SORCS1: variants seen among roughly 807,000 people sequenced by gnomAD.
The protein encoded by SORCS1 is VPS10 domain-containing receptor SorCS1.
A neutral mutation model predicts 146.1 loss-of-function variants in SORCS1; 60 were observed. The ratio of observed to expected loss-of-function variants is 0.41; its 90% CI spans 0.33 to 0.51. SORCS1 has a LOEUF of 0.51. Among genes scored for constraint, SORCS1 ranks in the 20% least tolerant of loss-of-function variants. The pLI, the probability that SORCS1 is intolerant of heterozygous loss-of-function variation, is 0.21. For missense variants in SORCS1, 1,352 were observed against 1,487.6 expected (o/e 0.91, Z 1.50); for synonymous variants, 637 against 584.0 (o/e 1.09, Z -1.31).
chr10:106,903,981 A>G (rs998038160), intron 2 of SORCS1, among the ~76,000 whole-genome samples: 4 of 152,226 alleles, frequency 2.6e-5, no homozygotes, highest in African/African-American at 4.8e-5. Flanking sequence ...ATCCTCACTT[A>G]GAATCCAGCA....
chr10:107,065,926 C>T (rs1191638976), intron 1 of SORCS1, among the ~76,000 whole-genome samples: 2 of 152,204 alleles, frequency 1.3e-5, no homozygotes, highest in East Asian at 1.9e-4. Flanking sequence ...CTCCCAAGCT[C>T]AGTGAGTAGC....
chr10:106,968,341 C>G (rs376440861), intron 1 of SORCS1, among the ~76,000 whole-genome samples: 2 of 152,328 alleles, frequency 1.3e-5, no homozygotes, highest in African/African-American at 4.8e-5. Context: ...CTGAGAAAGA[C>G]AGATTTCCAT....
chr10:106,807,337 T>C (rs1397586046), intron 3 of SORCS1, among the ~76,000 whole-genome samples: 1 of 152,194 alleles, frequency 6.6e-6, no homozygotes, highest in Non-Finnish European at 1.5e-5. Flanking sequence ...TTTTTGAAAC[T>C]TGAAACTTCT....
At chr10:107,097,868 C>A (rs577963874) in intron 1 of SORCS1, among the ~76,000 whole-genome samples, 1 of 152,150 alleles carries the variant, frequency 6.6e-6, no homozygotes, top group Non-Finnish European at 1.5e-5. Context: ...CATCTCTTTT[C>A]TGCCAGAATC....
intron 6 of SORCS1, among the ~76,000 whole-genome samples, chr10:106,720,014 A>G (rs779801220): frequency 2.6e-5 from 4 of 152,176 alleles, no homozygotes; most frequent in African/African-American, 4.8e-5. Flanking sequence ...CTTGGCTTAA[A>G]TACCAAATGC....
chr10:106,895,004 A>G (rs1264439267), intron 2 of SORCS1, among the ~76,000 whole-genome samples: 1 of 152,234 alleles, frequency 6.6e-6, no homozygotes, highest in Non-Finnish European at 1.5e-5. Flanking sequence ...GATATAAACC[A>G]GATGTCAACT....
At chr10:106,976,748 G>A (rs1348296899) in intron 1 of SORCS1, among the ~76,000 whole-genome samples, 9 of 152,152 alleles carry the variant, frequency 5.9e-5, no homozygotes, top group Admixed American at 5.9e-4. Flanking sequence ...CTGTGTCTAT[G>A]TGTTCTCTTT....
At chr10:106,739,225 C>T (rs1857180935) in intron 5 of SORCS1, among the ~76,000 whole-genome samples, 1 of 152,158 alleles carries the variant, frequency 6.6e-6, no homozygotes, top group African/African-American at 2.4e-5. Context: ...GTGGCTCATG[C>T]CTGTAATCCT....
intron 4 of SORCS1, among the ~76,000 whole-genome samples, chr10:106,762,453 T>A (rs1350014418): frequency 1.4e-5 from 2 of 139,520 alleles, no homozygotes. Context: ...AGTGCAGTGG[T>A]GTGACCTCGG....
At chr10:106,581,602 A>G (rs1171366849) in intron 24 of SORCS1, among the ~76,000 whole-genome samples, 1 of 152,170 alleles carries the variant, frequency 6.6e-6, no homozygotes, top group Non-Finnish European at 1.5e-5. Flanking sequence ...ATGCAAACAC[A>G]CACACACAGA....
intron 2 of SORCS1, among the ~76,000 whole-genome samples, chr10:106,918,103 C>T (rs1952531594): frequency 6.6e-6 from 1 of 152,066 alleles, no homozygotes; most frequent in African/African-American, 2.4e-5. Flanking sequence ...TAAGAATATG[C>T]ACCTGTTTTA....
At chr10:106,589,628 G>C (rs377157643) in intron 24 of SORCS1, among the ~76,000 whole-genome samples, 1 of 150,282 alleles carries the variant, frequency 6.7e-6, no homozygotes. Flanking sequence ...TTCCTGATGG[G>C]GTTTTTCACT....
At chr10:106,924,270 A>AG (rs60551348) in intron 2 of SORCS1, among the ~76,000 whole-genome samples, 3 of 147,478 alleles carry the variant, frequency 2.0e-5, no homozygotes, top group African/African-American at 7.4e-5. Flanking sequence ...AAAAAAAAAA[A>AG]CTACCTTTTA....
intron 1 of SORCS1, among the ~76,000 whole-genome samples, chr10:106,980,834 C>T (rs191744117): frequency 1.1e-3 from 160 of 152,306 alleles, no homozygotes; most frequent in Non-Finnish European, 1.8e-3. Flanking sequence ...TATAATGTCA[C>T]ATGCTGTCAA....
At chr10:106,953,624 T>C (rs1345873300) in intron 2 of SORCS1, among the ~76,000 whole-genome samples, 4 of 152,102 alleles carry the variant, frequency 2.6e-5, no homozygotes, top group Admixed American at 1.3e-4. Context: ...TACAGTATAC[T>C]TACACAAACC....
chr10:106,591,814 A>G (rs887077791), intron 24 of SORCS1, among the ~76,000 whole-genome samples: 1 of 152,094 alleles, frequency 6.6e-6, no homozygotes, highest in African/African-American at 2.4e-5. Context: ...GAAAGATGTC[A>G]TGCAAATGTT....
rs377038702 is a variant in SORCS1, at chr10:106,639,203, C to T, written c.2476-9815G>A. ...AGCCTGAGGAAGTTACTCACTCAGGCGAGGATTGCATGGTGTGGTGAAACC... is the reference window on the plus strand; with the variant it reads ...AGCCTGAGGAAGTTACTCACTCAGGTGAGGATTGCATGGTGTGGTGAAACC... On this transcript the variant is annotated intron_variant, in intron 18 of 25. Coordinates refer to ENST00000263054, the MANE Select transcript of SORCS1 (RefSeq NM_052918.5). Among the ~76,000 whole-genome samples, 4 of 152,232 alleles carry T rather than the reference C, an allele frequency of 2.6e-5. No homozygotes were observed. In the South Asian group the frequency reaches 6.2e-4, roughly 24 times the overall value.
At chr10:107,056,961 G>A (rs1283346411) in intron 1 of SORCS1, among the ~76,000 whole-genome samples, 1 of 152,206 alleles carries the variant, frequency 6.6e-6, no homozygotes, top group Non-Finnish European at 1.5e-5. Flanking sequence ...GCCCTGGATG[G>A]CTTTCTTGTC....
intron 21 of SORCS1, among the ~76,000 whole-genome samples, chr10:106,614,907 G>A (rs1212209669): frequency 1.3e-5 from 2 of 152,116 alleles, no homozygotes; most frequent in Non-Finnish European, 2.9e-5. Flanking sequence ...TTATTTACAA[G>A]CAAACTTGTG....
Sources: gnomAD v4.1 joint callset for allele counts (sites outside exome capture counted in the v4.1 genomes callset) on GRCh38, gnomAD v4.1.1 for gene constraint, MANE v1.5 for transcripts, NCBI Gene and HGNC (gene_info 2026-07-23, HGNC 2026-07-21) for gene names.